The following EYA4 variants were observed in gnomAD, a reference collection of about 807,000 sequenced individuals.
EYA4 encodes protein phosphatase EYA4.
A neutral mutation model predicts 87.9 loss-of-function variants in EYA4; 31 were observed. The ratio of observed to expected loss-of-function variants is 0.35; its 90% CI spans 0.27 to 0.48. The LOEUF (loss-of-function observed/expected upper bound fraction) is 0.48, where lower values mean the gene tolerates loss of function less well. Ranked by LOEUF, EYA4 falls within the 20% of genes least tolerant of loss-of-function variation. EYA4 has a pLI of 0.99. For missense variants in EYA4, 678 were observed against 761.4 expected, an observed-to-expected ratio of 0.89 and a Z score of 1.29; for synonymous variants, 263 against 270.6, an observed-to-expected ratio of 0.97 and a Z score of 0.28.
intron 3 of EYA4, among the ~76,000 whole-genome samples, chr6:133,424,804 C>T (rs1336016496): frequency 1.3e-5 from 2 of 150,796 alleles, no homozygotes; most frequent in Non-Finnish European, 2.9e-5. Flanking sequence ...GATCCACAGC[C>T]GCAGTTTGGG....
chr6:133,468,772 G>T (rs1234760499), intron 11 of EYA4, 41 bp downstream of exon 11: 2 of 1,601,746 alleles, frequency 1.2e-6, no homozygotes, highest in Non-Finnish European at 8.6e-7. Context: ...TATATGTTTT[G>T]CAATATCTAA....
rs368625402 is a variant in EYA4, at chr6:133,468,684, C to G, written c.923C>G (p.Ser308Cys). 3 of 1,613,112 alleles carry G rather than the reference C, an allele frequency of 1.9e-6. No individual in the cohort carries two copies. Among genetic ancestry groups the G allele is most frequent in the African/African-American group, 1.3e-5 (1 of 74,982 alleles). The change falls in exon 11 of 20, where the codon TCT (serine) becomes TGT (cysteine). Residue 308 changes from serine (S) to cysteine (C), a missense_variant. Ser to Cys is a moderately radical substitution (Grantham distance 112). Transcript: ENST00000355286. ...NTADGTPSST[S>C]TYQLQESLPG... Reference sequence around the variant, plus strand: ...GCCGATGGCACACCCTCTTCAACCTCTACTTATCAGTTGCAGGAATCTCTC... The same window carrying G: ...GCCGATGGCACACCCTCTTCAACCTGTACTTATCAGTTGCAGGAATCTCTC...
chr6:133,276,082 A>G (rs1777140529), intron 2 of EYA4, among the ~76,000 whole-genome samples: 1 of 152,214 alleles, frequency 6.6e-6, no homozygotes, highest in Non-Finnish European at 1.5e-5. Context: ...TGTTGGAATC[A>G]GAAGTCTGTC....
intron 2 of EYA4, among the ~76,000 whole-genome samples, chr6:133,354,796 A>G (rs974134088): frequency 5.3e-5 from 8 of 152,238 alleles, no homozygotes; most frequent in Non-Finnish European, 7.3e-5. Flanking sequence ...AAAAATGTGG[A>G]AAACTTTATT....
chr6:133,385,247 C>A (rs572289593), intron 3 of EYA4, among the ~76,000 whole-genome samples: 6 of 146,180 alleles, frequency 4.1e-5, no homozygotes, highest in Non-Finnish European at 7.4e-5. Context: ...TGCAGTGAGC[C>A]GAGATTGTGC....
chr6:133,436,930 A>T (rs1791743270), intron 3 of EYA4, among the ~76,000 whole-genome samples: 1 of 152,204 alleles, frequency 6.6e-6, no homozygotes. Flanking sequence ...ACACAGTTTT[A>T]AGGCTTCCCC....
At chr6:133,327,799 T>C (rs1300735048) in intron 2 of EYA4, among the ~76,000 whole-genome samples, 3 of 152,194 alleles carry the variant, frequency 2.0e-5, no homozygotes, top group Non-Finnish European at 2.9e-5. Context: ...GACTCCTTCC[T>C]ATGTTTACGG....
chr6:133,243,224 A>G (rs548191761), intron 1 of EYA4, among the ~76,000 whole-genome samples: 1 of 152,228 alleles, frequency 6.6e-6, no homozygotes, highest in East Asian at 1.9e-4. Flanking sequence ...CACTTCCAAA[A>G]TCTGATACCT....
chr6:133,376,094 CA>C (rs1785658049), intron 2 of EYA4, among the ~76,000 whole-genome samples: 1 of 151,756 alleles, frequency 6.6e-6, no homozygotes, highest in South Asian at 2.1e-4. Context: ...TTGTTGTTCA[CA>C]GTAATTCTGT....
At chr6:133,342,526 C>T (rs1430284386) in intron 2 of EYA4, among the ~76,000 whole-genome samples, 2 of 140,104 alleles carry the variant, frequency 1.4e-5, no homozygotes, top group South Asian at 2.2e-4. Flanking sequence ...ACCAGGATTA[C>T]CTGATAACAT....
intron 2 of EYA4, among the ~76,000 whole-genome samples, chr6:133,331,277 C>G (rs142484973): frequency 6.6e-6 from 1 of 151,946 alleles, no homozygotes; most frequent in Non-Finnish European, 1.5e-5. Context: ...TGTGAAATAT[C>G]AGAAATCTTG....
intron 2 of EYA4, among the ~76,000 whole-genome samples, chr6:133,325,994 T>C (rs1781472329): frequency 6.6e-6 from 1 of 152,240 alleles, no homozygotes; most frequent in African/African-American, 2.4e-5. Flanking sequence ...TCCTGTTTGG[T>C]GGTCTGCCTC....
At chr6:133,329,389 G>A (rs775019706) in intron 2 of EYA4, among the ~76,000 whole-genome samples, 2 of 152,056 alleles carry the variant, frequency 1.3e-5, no homozygotes, top group Non-Finnish European at 2.9e-5. Context: ...ATGATAATGT[G>A]TAACCTCTCA....
At chr6:133,495,805 G>A (rs1461458089) in intron 13 of EYA4, among the ~76,000 whole-genome samples, 1 of 152,142 alleles carries the variant, frequency 6.6e-6, no homozygotes, top group Non-Finnish European at 1.5e-5. Flanking sequence ...GGTTTGAGGT[G>A]GGACCATAGG....
At chr6:133,339,904 T>A (rs1282503653) in intron 2 of EYA4, among the ~76,000 whole-genome samples, 1 of 152,146 alleles carries the variant, frequency 6.6e-6, no homozygotes, top group Non-Finnish European at 1.5e-5. Context: ...CTTAGTAACA[T>A]GATGTCAAAT....
chr6:133,498,792 T>G (rs935633251), intron 13 of EYA4, among the ~76,000 whole-genome samples: 20 of 152,198 alleles, frequency 1.3e-4, no homozygotes, highest in African/African-American at 4.6e-4. Flanking sequence ...GTGACATATC[T>G]CGAACTCTTC....
At chr6:133,276,543 A>T (rs1026423263) in intron 2 of EYA4, among the ~76,000 whole-genome samples, 2 of 152,222 alleles carry the variant, frequency 1.3e-5, no homozygotes, top group African/African-American at 4.8e-5. Flanking sequence ...CCTTCTAGTG[A>T]TATTTTAAGG....
At chr6:133,359,646 A>G (rs188219823) in intron 2 of EYA4, among the ~76,000 whole-genome samples, 185 of 152,318 alleles carry the variant, frequency 1.2e-3, no homozygotes, top group Non-Finnish European at 2.1e-3. Context: ...ACAGGCAGTC[A>G]TGTTTGACTA....
At chr6:133,278,527 C>T (rs895522013) in intron 2 of EYA4, among the ~76,000 whole-genome samples, 5 of 152,098 alleles carry the variant, frequency 3.3e-5, no homozygotes, top group African/African-American at 1.2e-4. Flanking sequence ...CTTCAAAAGC[C>T]TTTATATACT....
Sources: gnomAD v4.1 joint callset for allele counts (sites outside exome capture counted in the v4.1 genomes callset) on GRCh38, gnomAD v4.1.1 for gene constraint, MANE v1.5 for transcripts, NCBI Gene and HGNC (gene_info 2026-07-23, HGNC 2026-07-21) for gene names.